ADAM10: variants seen among roughly 807,000 people sequenced by gnomAD.
ADAM10 encodes the protein ADAM metallopeptidase domain 10.
ADAM10 carries 17 observed loss-of-function variants against 90.1 expected under a neutral mutation model. That is an observed-to-expected ratio of 0.19 (90% CI 0.13 to 0.28). ADAM10 has a LOEUF of 0.28. Ranked by LOEUF, ADAM10 falls within the 10% of genes least tolerant of loss-of-function variation. The probability of loss-of-function intolerance (pLI) is 1.00; values close to 1 mark genes in which losing one functional copy is unlikely to be tolerated. For synonymous variants in ADAM10, 310 were observed against 298.6 expected (o/e 1.04, Z -0.40); for missense variants, 610 against 914.3 (o/e 0.67, Z 4.29).
chr15:58,693,233 A>C (rs1023031903), intron 2 of ADAM10: 1 of 602,066 alleles, frequency 1.7e-6, no homozygotes, highest in Non-Finnish European at 3.1e-6. Flanking sequence ...CTAGAGAGCA[A>C]GGTGGGCTGA....
intron 1 of ADAM10, among the ~76,000 whole-genome samples, chr15:58,740,409 T>A (rs1899570024): frequency 7.6e-6 from 1 of 131,806 alleles, no homozygotes; most frequent in Admixed American, 7.3e-5. Context: ...ACTCTGTCTC[T>A]AGGGAAGAAA....
At chr15:58,602,586 A>C (rs570117931) in intron 14 of ADAM10, among the ~76,000 whole-genome samples, 1 of 152,306 alleles carries the variant, frequency 6.6e-6, no homozygotes, top group South Asian at 2.1e-4. Flanking sequence ...AGAGGGAATA[A>C]AAAAGGGAAA....
At chr15:58,621,900 G>C (rs1470987689) in intron 10 of ADAM10, among the ~76,000 whole-genome samples, 1 of 152,046 alleles carries the variant, frequency 6.6e-6, no homozygotes, top group Non-Finnish European at 1.5e-5. Flanking sequence ...CTTAGGCCAT[G>C]CTACATTGAG....
chr15:58,630,502 G>A (rs550695072), intron 9 of ADAM10, among the ~76,000 whole-genome samples: 1 of 152,330 alleles, frequency 6.6e-6, no homozygotes, highest in South Asian at 2.1e-4. Flanking sequence ...GTAAGCAGAA[G>A]TGGCATTATT....
chr15:58,606,986 TATAAA>T (rs1205698013), intron 14 of ADAM10, among the ~76,000 whole-genome samples: 5 of 152,282 alleles, frequency 3.3e-5, no homozygotes, highest in African/African-American at 1.2e-4. Flanking sequence ...GCCATGTTCC[TATAAA>T]ATGTTATTTA....
intron 5 of ADAM10, among the ~76,000 whole-genome samples, chr15:58,661,160 C>CT (rs376640619): frequency 2.0e-5 from 3 of 152,202 alleles, no homozygotes; most frequent in African/African-American, 7.2e-5. Flanking sequence ...TCCATTATAC[C>CT]TTATTATTTG....
At chr15:58,638,596 CA>C (rs1896331157) in intron 8 of ADAM10, among the ~76,000 whole-genome samples, 1 of 119,702 alleles carries the variant, frequency 8.4e-6, no homozygotes, top group African/African-American at 3.3e-5. Context: ...GCCTGGGTGA[CA>C]GAGCAACACT....
Position 58,648,064 on chromosome 15 carries a change from G to A in ADAM10, c.586-1860C>T, listed in dbSNP as rs1354961506. ...ACAAAATGAAAAATTTGTATTATATGCCAAACACACAAAAAAGGGTAACTA... is the reference window on the plus strand; with the variant it reads ...ACAAAATGAAAAATTTGTATTATATACCAAACACACAAAAAAGGGTAACTA... On this transcript the variant is annotated intron_variant, in intron 5 of 15. Transcript: ENST00000260408. Among the ~76,000 whole-genome samples, 4 of 152,176 alleles carry A rather than the reference G, an allele frequency of 2.6e-5. No individual in the cohort carries two copies. The East Asian group carries it at 7.7e-4, about 29-fold the overall frequency.
In ADAM10 at chr15:58,593,176, T is replaced by A. The variant is rs1894866134; in HGVS notation, c.*4371A>T. On this transcript the variant is annotated 3_prime_UTR_variant, in exon 16 of 16. Transcript: ENST00000260408. ...TTTTTTTTTTTTTTTTTTTTTTTTT[T>A]TTTTTTTTTTTTTTTTTTTTTGAGA... 1.1e-4 allele frequency: 7 copies of A among 64,470 alleles called. No homozygotes were observed. The highest frequency in any genetic ancestry group is 1.1e-3 in the South Asian group (2 of 1,794). 4.0% of individuals were successfully genotyped at this position (64,470 alleles called of 1,614,324 possible). A position where few individuals can be genotyped will look rare whatever the true frequency, so the allele number is the denominator to read the frequency against.
intron 1 of ADAM10, among the ~76,000 whole-genome samples, chr15:58,736,068 ATCTT>A (rs1433460089): frequency 2.6e-5 from 4 of 152,192 alleles, no homozygotes; most frequent in Non-Finnish European, 5.9e-5. Flanking sequence ...CTTGCTAAAT[ATCTT>A]TCTATTTGAT....
chr15:58,679,022 T>C (rs1171422088), intron 4 of ADAM10, 102 bp downstream of exon 4: 3 of 1,150,076 alleles, frequency 2.6e-6, no homozygotes, highest in East Asian at 2.5e-5. Context: ...GCCTGATTAG[T>C]AACTCAGGAA....
At chr15:58,715,387 C>T (rs1437996182) in intron 2 of ADAM10, among the ~76,000 whole-genome samples, 1 of 151,266 alleles carries the variant, frequency 6.6e-6, no homozygotes, top group East Asian at 1.9e-4. Context: ...TACACTCCAG[C>T]CCAGGCAACA....
intron 1 of ADAM10, among the ~76,000 whole-genome samples, chr15:58,747,101 T>G (rs1187191428): frequency 6.6e-6 from 1 of 152,198 alleles, no homozygotes; most frequent in Non-Finnish European, 1.5e-5. Flanking sequence ...CAAAACATTA[T>G]GGAATTTACT....
Position 58,699,159 on chromosome 15 carries a change from GA to G in ADAM10, c.207-16846del, listed in dbSNP as rs561931840. Among the ~76,000 whole-genome samples, 25 of 152,120 alleles carry G rather than the reference GA, an allele frequency of 1.6e-4. No homozygotes were observed. In the South Asian group the frequency reaches 4.8e-3, roughly 29 times the overall value. On this transcript the variant is annotated intron_variant, in intron 2 of 15. Transcript: ENST00000260408. ...GGATGATATATTCAAAGTGCTAAAA[GA>G]AAAAAATACCTGGCAGCCAAGATTA...
intron 5 of ADAM10, among the ~76,000 whole-genome samples, chr15:58,652,277 T>G (rs951621431): frequency 3.2e-4 from 49 of 152,344 alleles, no homozygotes; most frequent in African/African-American, 1.2e-3. Flanking sequence ...ATTTTTGCTT[T>G]GGTTGCCTGT....
chr15:58,625,997 G>A (rs192896827), intron 10 of ADAM10, among the ~76,000 whole-genome samples: 4 of 152,214 alleles, frequency 2.6e-5, no homozygotes, highest in Admixed American at 2.6e-4. Flanking sequence ...GGGAGGAAGG[G>A]ACAACAGAAG....
chr15:58,708,946 T>C (rs1376367861), intron 2 of ADAM10, among the ~76,000 whole-genome samples: 2 of 152,184 alleles, frequency 1.3e-5, no homozygotes, highest in South Asian at 2.1e-4. Context: ...AACTGAAGAA[T>C]AAGTATTCAG....
intron 4 of ADAM10, among the ~76,000 whole-genome samples, chr15:58,674,155 CTG>C (rs1897261981): frequency 6.6e-6 from 1 of 152,108 alleles, no homozygotes; most frequent in African/African-American, 2.4e-5. Flanking sequence ...GCTTCTGTGC[CTG>C]TGAGTTGTTT....
rs559323635 is a variant in ADAM10, at chr15:58,707,019, A to G, written c.206+10558T>C. On this transcript the variant is annotated intron_variant, in intron 2 of 15. Coordinates refer to ENST00000260408, the MANE Select transcript of ADAM10 (RefSeq NM_001110.4). ...GTGAGACTCCATCTCAAAAAAAAAA[A>G]AAAAAGAAAAGAAAAGATAAAAAGA... Among the ~76,000 whole-genome samples the G allele has an allele frequency of 3.3e-5, 5 of 150,250 alleles. No individual in the cohort carries two copies. The South Asian group carries it at 8.4e-4, about 25-fold the overall frequency.
Sources: allele counts gnomAD v4.1 joint callset (sites outside exome capture counted in the v4.1 genomes callset), GRCh38; gene constraint gnomAD v4.1.1; transcripts MANE v1.5; gene names NCBI Gene and HGNC (gene_info 2026-07-23, HGNC 2026-07-21).